DTWD2: variants seen among roughly 807,000 people sequenced by gnomAD.
DTWD2 encodes the protein DTW motif tRNA-uridine aminocarboxypropyltransferase 2, also known as tRNA-uridine aminocarboxypropyltransferase 2.
A neutral mutation model predicts 31.8 loss-of-function variants in DTWD2; 39 were observed. The observed-to-expected ratio is 1.22, with a 90% CI of 0.95 to 1.60. The LOEUF is 1.60. DTWD2 is among the 40% of genes most tolerant of loss of function. The pLI is 0.00. For missense variants in DTWD2, 515 were observed against 381.5 expected, an observed-to-expected ratio of 1.35 and a Z score of -2.92; for synonymous variants, 180 against 142.8, an observed-to-expected ratio of 1.26 and a Z score of -1.86.
At chr5:118,858,571 T>C (rs1752190726) in intron 4 of DTWD2, among the ~76,000 whole-genome samples, 1 of 152,220 alleles carries the variant, frequency 6.6e-6, no homozygotes, top group Non-Finnish European at 1.5e-5. Flanking sequence ...TGAAGACCTA[T>C]GTATGTATTA....
At chr5:118,898,171 T>C (rs187026417) in intron 4 of DTWD2, among the ~76,000 whole-genome samples, 1 of 151,938 alleles carries the variant, frequency 6.6e-6, no homozygotes, top group African/African-American at 2.4e-5. Flanking sequence ...AGCCAAAAAA[T>C]TAAATCTTAA....
In DTWD2 at chr5:118,862,579, A is replaced by T. The variant is rs189315633; in HGVS notation, c.598-14361T>A. On this transcript the variant is annotated intron_variant, in intron 4 of 5. Transcript: ENST00000510708. ...TCTCAAAACAGGGAAGCCACTTAAAATATTATTTACTTTGAAGAAACACAA... is the reference window on the plus strand; with the variant it reads ...TCTCAAAACAGGGAAGCCACTTAAATTATTATTTACTTTGAAGAAACACAA... Among the ~76,000 whole-genome samples the T allele has an allele frequency of 1.5e-3, 232 of 152,332 alleles. 2 individuals carry two copies. The highest frequency in any genetic ancestry group is 5.4e-3 in the African/African-American group (223 of 41,578).
At chr5:118,882,582 C>T (rs1038559252) in intron 4 of DTWD2, among the ~76,000 whole-genome samples, 4 of 152,262 alleles carry the variant, frequency 2.6e-5, no homozygotes, top group Non-Finnish European at 5.9e-5. Flanking sequence ...TACATCCAGT[C>T]GTTTCCATAC....
At chr5:118,918,390 G>A (rs1237434858) in intron 4 of DTWD2, among the ~76,000 whole-genome samples, 9 of 150,288 alleles carry the variant, frequency 6.0e-5, no homozygotes, top group Non-Finnish European at 1.0e-4. Context: ...GCAGTGGCAC[G>A]ATCTCGGCTC....
intron 4 of DTWD2, among the ~76,000 whole-genome samples, chr5:118,904,362 A>T (rs1753279934): frequency 6.6e-6 from 1 of 152,168 alleles, no homozygotes; most frequent in Non-Finnish European, 1.5e-5. Context: ...GTATTATCAT[A>T]CTTATATACT....
At chr5:118,948,977 T>C (rs780116533) in intron 1 of DTWD2, among the ~76,000 whole-genome samples, 113 of 152,152 alleles carry the variant, frequency 7.4e-4, no homozygotes, top group Non-Finnish European at 1.4e-3. Flanking sequence ...TTTGGGAGAT[T>C]AGCCAGACAC....
intron 1 of DTWD2, 86 bp from the exon 2 acceptor site, chr5:118,944,735 A>G: frequency 6.5e-6 from 8 of 1,239,614 alleles, no homozygotes; most frequent in Non-Finnish European, 9.0e-6. Flanking sequence ...ATCCCACTGC[A>G]TTTATACAAA....
At chr5:118,951,431 A>G (rs1425653043) in intron 1 of DTWD2, among the ~76,000 whole-genome samples, 2 of 152,168 alleles carry the variant, frequency 1.3e-5, no homozygotes, top group African/African-American at 4.8e-5. Context: ...TTGCATTGGG[A>G]GCAGAGATTA....
Position 118,938,309 on chromosome 5 carries a change from C to CA in DTWD2, c.404+886dup, listed in dbSNP as rs528392158. Among the ~76,000 whole-genome samples, 5 of 152,182 alleles carry CA rather than the reference C, an allele frequency of 3.3e-5. No homozygotes were observed. In the South Asian group the frequency reaches 1.0e-3, roughly 32 times the overall value. On this transcript the variant is annotated intron_variant, in intron 3 of 5. Coordinates refer to ENST00000510708, the MANE Select transcript of DTWD2 (RefSeq NM_173666.4). ...TACATAGAAAGTTCCAGGGAATCTA[C>CA]AAAACAATTTCTACAACTAACAGAC...
intron 1 of DTWD2, among the ~76,000 whole-genome samples, chr5:118,945,315 T>G (rs778789645): frequency 6.6e-6 from 1 of 152,066 alleles, no homozygotes; most frequent in Non-Finnish European, 1.5e-5. Context: ...CAATTAGAAT[T>G]AAAGGCTATA....
At chr5:118,897,700 C>G (rs1265149269) in intron 4 of DTWD2, among the ~76,000 whole-genome samples, 1 of 152,166 alleles carries the variant, frequency 6.6e-6, no homozygotes, top group Non-Finnish European at 1.5e-5. Flanking sequence ...ACCATACAAA[C>G]CACTGGCCAG....
intron 4 of DTWD2, among the ~76,000 whole-genome samples, chr5:118,874,366 T>C (rs1752574453): frequency 6.6e-6 from 1 of 152,144 alleles, no homozygotes. Context: ...CTGAGATGGC[T>C]GAAATGAGAG....
chr5:118,905,617 T>G (rs1753309913), intron 4 of DTWD2, among the ~76,000 whole-genome samples: 1 of 152,182 alleles, frequency 6.6e-6, no homozygotes, highest in Admixed American at 6.5e-5. Context: ...TAAAAAACTC[T>G]GGTTTTTTAA....
In DTWD2 at chr5:118,913,169, T is replaced by C. The variant is rs181418761; in HGVS notation, c.597+15368A>G. On this transcript the variant is annotated intron_variant, in intron 4 of 5. Coordinates refer to ENST00000510708, the MANE Select transcript of DTWD2 (RefSeq NM_173666.4). Reference sequence around the variant, plus strand: ...AAAATATTGCCACCTCAGGTATAAATGGGTTAAACGTTCTTCTAATTGTCC... The same window carrying C: ...AAAATATTGCCACCTCAGGTATAAACGGGTTAAACGTTCTTCTAATTGTCC... Among the ~76,000 whole-genome samples, 32 of 152,014 alleles carry C rather than the reference T, an allele frequency of 2.1e-4. No homozygotes were observed. In the East Asian group the frequency reaches 2.3e-3, roughly 11 times the overall value.
At chr5:118,904,435 A>C (rs1753280870) in intron 4 of DTWD2, among the ~76,000 whole-genome samples, 1 of 152,144 alleles carries the variant, frequency 6.6e-6, no homozygotes, top group Non-Finnish European at 1.5e-5. Flanking sequence ...CCTGAACAAT[A>C]TATGTAAGAA....
chr5:118,946,833 C>T (rs1205231680), intron 1 of DTWD2, among the ~76,000 whole-genome samples: 3 of 152,068 alleles, frequency 2.0e-5, no homozygotes, highest in East Asian at 1.9e-4. Flanking sequence ...CTCTGCCTCC[C>T]GGATTCAATC....
intron 4 of DTWD2, among the ~76,000 whole-genome samples, chr5:118,924,769 ACTACTGG>A (rs1753775309): frequency 1.3e-5 from 2 of 152,230 alleles, no homozygotes; most frequent in South Asian, 4.1e-4. Flanking sequence ...TGTGGTTGAG[ACTACTGG>A]CTTTAGCTCT....
At chr5:118,955,176 C>G (rs560150853) in intron 1 of DTWD2, among the ~76,000 whole-genome samples, 7 of 152,258 alleles carry the variant, frequency 4.6e-5, no homozygotes, top group Admixed American at 1.3e-4. Context: ...GCTCACAAAA[C>G]ATTTTCTATT....
intron 5 of DTWD2, among the ~76,000 whole-genome samples, chr5:118,847,820 T>C (rs1325199641): frequency 6.6e-6 from 1 of 152,146 alleles, no homozygotes; most frequent in Non-Finnish European, 1.5e-5. Context: ...AAAAAACTAC[T>C]TAATGTTGTG....
Sources: allele counts gnomAD v4.1 joint callset (sites outside exome capture counted in the v4.1 genomes callset), GRCh38; gene constraint gnomAD v4.1.1; transcripts MANE v1.5; gene names NCBI Gene and HGNC (gene_info 2026-07-23, HGNC 2026-07-21).